DISP1: variants seen among roughly 807,000 people sequenced by gnomAD.
DISP1 encodes the protein dispatched RND transporter family member 1.
A neutral mutation model predicts 37.3 loss-of-function variants in DISP1; 30 were observed. The observed-to-expected ratio is 0.80, with a 90% CI of 0.60 to 1.09. The LOEUF (loss-of-function observed/expected upper bound fraction) is 1.09. Among genes scored for constraint, DISP1 ranks in the 50% least tolerant of loss-of-function variants. The probability of loss-of-function intolerance (pLI) is 0.00; values close to 1 mark genes in which losing one functional copy is unlikely to be tolerated. For synonymous variants in DISP1, 634 were observed against 690.2 expected, an observed-to-expected ratio of 0.92 and a Z score of 1.28; for missense variants, 1,598 against 1,879.5, an observed-to-expected ratio of 0.85 and a Z score of 2.77.
At chr1:222,982,178 G>A (rs200307657) in intron 3 of DISP1, among the ~76,000 whole-genome samples, 10 of 152,142 alleles carry the variant, frequency 6.6e-5, no homozygotes, top group Admixed American at 2.0e-4. Context: ...ACTAAAAGCC[G>A]TATTCTCATA....
At position 223,004,077 on chromosome 1, in the gene DISP1, A is replaced by G. The variant is rs1679688532; in HGVS notation, c.2680A>G (p.Ile894Val). 6.2e-7 allele frequency: 1 copy of G among 1,614,218 alleles called. No individual in the cohort carries two copies. Among genetic ancestry groups the G allele is most frequent in the Middle Eastern group, 1.6e-4 (1 of 6,062 alleles). Residue 894 changes from isoleucine (I) to valine (V), a missense_variant, in exon 9 of 9, where the codon ATC (isoleucine) becomes GTC (valine). Coordinates refer to ENST00000675850, the MANE Select transcript of DISP1 (RefSeq NM_001377229.1). The surrounding 1 kb of genome is among the most constrained non-coding windows in gnomAD (Gnocchi z 4.9). ...TTTTGAACTGTGCATCAAGAGAGCT[A>G]TCATGGAGCTGGAAAGGAGTACAGG... ...EIFELCIKRA[I>V]MELERSTGYH... is the part of the protein sequence containing the mutation.
intron 1 of DISP1, among the ~76,000 whole-genome samples, chr1:222,827,788 CAT>C (rs969569897): frequency 2.0e-5 from 3 of 152,062 alleles, no homozygotes; most frequent in Non-Finnish European, 4.4e-5. Flanking sequence ...AAAATCTAAA[CAT>C]ATTTAAGCAA....
At chr1:222,852,243 T>G (rs1572341732) in intron 1 of DISP1, among the ~76,000 whole-genome samples, 1 of 101,564 alleles carries the variant, frequency 9.8e-6, no homozygotes, top group East Asian at 2.8e-4. Context: ...CATTTGGGGT[T>G]TTTTTTTTTA....
intron 1 of DISP1, among the ~76,000 whole-genome samples, chr1:222,881,187 ATTTTTT>A (rs568384229): frequency 6.6e-6 from 1 of 151,752 alleles, no homozygotes; most frequent in African/African-American, 2.4e-5. Flanking sequence ...ATCTTTTAGA[ATTTTTT>A]TTTATTTTTT....
At chr1:222,988,294 T>C (rs1438936689) in intron 4 of DISP1, among the ~76,000 whole-genome samples, 1 of 152,196 alleles carries the variant, frequency 6.6e-6, no homozygotes, top group Non-Finnish European at 1.5e-5. Flanking sequence ...CAGACATTTG[T>C]GGCAAGTGTA....
intron 1 of DISP1, among the ~76,000 whole-genome samples, chr1:222,915,082 C>T (rs913894459): frequency 6.6e-6 from 1 of 152,122 alleles, no homozygotes; most frequent in Non-Finnish European, 1.5e-5. Flanking sequence ...TGTGGTTGTC[C>T]TGGACACTGT....
intron 1 of DISP1, among the ~76,000 whole-genome samples, chr1:222,890,411 C>T (rs1309505434): frequency 6.6e-6 from 1 of 151,972 alleles, no homozygotes; most frequent in Non-Finnish European, 1.5e-5. Context: ...TAATGAAGTA[C>T]CTGAGCTGAT....
chr1:222,974,797 G>C (rs964195417), intron 3 of DISP1, among the ~76,000 whole-genome samples: 4 of 152,194 alleles, frequency 2.6e-5, no homozygotes, highest in Non-Finnish European at 5.9e-5. Flanking sequence ...TAGAGCCCAA[G>C]TGTGCCAGTG....
rs138431759 is a variant in DISP1 at position 222,998,888 on chromosome 1, G to T, written c.988-3497G>T. ...GTTTTCCTATTCTTGTTTTAAAGAG[G>T]GCTACAGAGCCCTTGCTTTTTCTTT... On this transcript the variant is annotated intron_variant, in intron 8 of 8. Coordinates refer to ENST00000675850, the MANE Select transcript of DISP1 (RefSeq NM_001377229.1). 1.6e-3 allele frequency among the ~76,000 whole-genome samples: 242 copies of T among 152,168 alleles called. 2 individuals carry two copies. The highest frequency in any genetic ancestry group is 5.3e-3 in the African/African-American group (221 of 41,534).
intron 2 of DISP1, among the ~76,000 whole-genome samples, chr1:222,930,599 T>G (rs1470480238): frequency 6.6e-6 from 1 of 152,068 alleles, no homozygotes; most frequent in Non-Finnish European, 1.5e-5. Context: ...CTTACCAAAA[T>G]GATTGCTAAA....
intron 1 of DISP1, among the ~76,000 whole-genome samples, chr1:222,838,051 A>G (rs901766638): frequency 3.9e-5 from 6 of 152,130 alleles, no homozygotes; most frequent in Non-Finnish European, 5.9e-5. Flanking sequence ...TTATGCTGCC[A>G]TTTAAATTTT....
chr1:223,003,003 A>G lies in DISP1; in HGVS notation c.1606A>G (p.Ile536Val). 6.2e-7 allele frequency: 1 copy of G among 1,613,896 alleles called. No individual in the cohort carries two copies. The highest frequency in any genetic ancestry group is 8.5e-7 in the Non-Finnish European group (1 of 1,180,026). The change falls in exon 9 of 9, where the codon ATC (isoleucine) becomes GTC (valine). Residue 536 changes from isoleucine (I) to valine (V), a missense_variant. Physicochemically the swap from Ile to Val is conservative, Grantham distance 29. Coordinates refer to ENST00000675850, the MANE Select transcript of DISP1 (RefSeq NM_001377229.1). The surrounding 1 kb of genome is among the most constrained non-coding windows in gnomAD (Gnocchi z 4.3). ...CACTCTGATGACAATGTTTGCAATA[A>G]TCAGTTCTTTGATTGTTTCCTATTT... is the stretch of plus-strand genomic sequence containing the variant. ...FITLMTMFAI[I>V]SSLIVSYFLY...
rs568941661 is a variant in DISP1, at chr1:222,943,262, T to C, written c.439T>C (p.Phe147Leu). Residue 147 changes from phenylalanine to leucine, a missense_variant, in exon 3 of 9, where the codon TTC becomes CTC. Transcript: ENST00000675850. ...TTCCLQPSPS[F>L]CLHHPWPDHF... ...GTGCTGTCTTCAGCCCTCTCCATCC[T>C]TCTGCCTGCATCATCCGTGGCCTGA... 1 of 1,614,106 alleles carries C rather than the reference T, an allele frequency of 6.2e-7. No individual in the cohort carries two copies. Among genetic ancestry groups the C allele is most frequent in the South Asian group, 1.1e-5 (1 of 91,054 alleles).
intron 1 of DISP1, among the ~76,000 whole-genome samples, chr1:222,859,460 G>C (rs1390464733): frequency 6.6e-6 from 1 of 152,118 alleles, no homozygotes; most frequent in African/African-American, 2.4e-5. Context: ...ACAAACCTGC[G>C]CATCCTGTGC....
chr1:222,937,089 G>GT (rs111967984), intron 2 of DISP1, among the ~76,000 whole-genome samples: 130,088 of 130,124 alleles, frequency 1, 65,026 homozygotes, highest in Middle Eastern at 1. Flanking sequence ...ATATATTACA[G>GT]TTTATATATA....
chr1:222,947,156 A>G (rs1001061689), intron 3 of DISP1, among the ~76,000 whole-genome samples: 1 of 152,212 alleles, frequency 6.6e-6, no homozygotes, highest in African/African-American at 2.4e-5. Flanking sequence ...CTGAAACTCC[A>G]TACTCACTAA....
At position 222,876,893 on chromosome 1, in the gene DISP1, C is replaced by CA. The variant is rs551426143; in HGVS notation, c.-158-51533dup. Among the ~76,000 whole-genome samples the CA allele has an allele frequency of 2.9e-3, 446 of 152,158 alleles. 1 individual carries two copies. The highest frequency in any genetic ancestry group is 7.2e-3 in the Admixed American group (110 of 15,276). On this transcript the variant is annotated intron_variant, in intron 1 of 8. Transcript: ENST00000675850. ...TAAAGAGAAAAAAAAGCAAATAAGA[C>CA]AAAATGTTAAGATTTTATAAATCTG...
At chr1:222,822,416 A>G (rs1231883445) in intron 1 of DISP1, among the ~76,000 whole-genome samples, 1 of 152,196 alleles carries the variant, frequency 6.6e-6, no homozygotes, top group East Asian at 1.9e-4. Flanking sequence ...TTTAAAATTA[A>G]GTTGAGAAAT....
intron 8 of DISP1, among the ~76,000 whole-genome samples, chr1:223,000,607 T>C (rs945662579): frequency 6.6e-5 from 10 of 152,130 alleles, no homozygotes; most frequent in African/African-American, 2.4e-4. Context: ...TATACAAAAG[T>C]AGAGAAATAG....
Sources: allele counts gnomAD v4.1 joint callset (sites outside exome capture counted in the v4.1 genomes callset), GRCh38; gene constraint gnomAD v4.1.1; non-coding constraint Gnocchi (gnomAD v3.1); transcripts MANE v1.5; gene names NCBI Gene and HGNC (gene_info 2026-07-23, HGNC 2026-07-21).